FER1L6: variants seen among roughly 807,000 people sequenced by gnomAD.
FER1L6 encodes the protein fer-1-like protein 6.
In FER1L6, 177 loss-of-function variants were observed where a neutral mutation model predicts 219.2. The ratio of observed to expected loss-of-function variants is 0.81; its 90% CI spans 0.71 to 0.91. FER1L6 has a LOEUF of 0.91. Ranked by LOEUF, FER1L6 falls within the 40% of genes least tolerant of loss-of-function variation. The pLI, the probability that FER1L6 is intolerant of heterozygous loss-of-function variation, is 0.00. For missense variants in FER1L6, 2,153 were observed against 2,259.9 expected (o/e 0.95, Z 0.96); for synonymous variants, 768 against 824.3 (o/e 0.93, Z 1.17).
chr8:123,973,522 C>T lies in FER1L6; in HGVS notation c.526+10C>T, dbSNP rs1402587391. 4 of 1,600,122 alleles carry T rather than the reference C, an allele frequency of 2.5e-6. No individual in the cohort carries two copies. Among genetic ancestry groups the T allele is most frequent in the Non-Finnish European group, 3.4e-6 (4 of 1,167,312 alleles). The stretch of plus-strand genomic sequence containing the variant: ...GTGTACAACCAACCTGGTAAGAAAA[C>T]ATCACCTCCCCATCTGTATCTCACT... On this transcript the variant is annotated intron_variant, in intron 7 of 40. Transcript: ENST00000522917.
intron 11 of FER1L6, among the ~76,000 whole-genome samples, chr8:123,982,438 T>C (rs1033109949): frequency 6.6e-6 from 1 of 152,200 alleles, no homozygotes; most frequent in Non-Finnish European, 1.5e-5. Flanking sequence ...TACATTTGTC[T>C]ACAGGCTGTT....
chr8:124,024,047 C>T (rs1244688042), intron 18 of FER1L6, among the ~76,000 whole-genome samples: 1 of 151,940 alleles, frequency 6.6e-6, no homozygotes, highest in African/African-American at 2.4e-5. Context: ...CAGATGCCCA[C>T]CACCATGCCT....
intron 36 of FER1L6, 40 bp downstream of exon 36, chr8:124,097,399 G>A (rs1432251920): frequency 7.3e-7 from 1 of 1,373,542 alleles, no homozygotes. Flanking sequence ...GAAGAGACCA[G>A]GGTAGCAGAT....
Position 124,040,012 on chromosome 8 carries a change from CA to C in FER1L6, c.2589+7del, listed in dbSNP as rs1819411292. ...CTCACTGCCAGACAACAAAGGTAAC[CA>C]GGGTAACCAAGACAGCCTGCTTCTT... On this transcript the variant is annotated splice_region_variant and intron_variant, in intron 20 of 40. Transcript: ENST00000522917. The C allele has an allele frequency of 1.2e-6, 2 of 1,614,024 alleles. No homozygotes were observed. The highest frequency in any genetic ancestry group is 1.7e-6 in the Non-Finnish European group (2 of 1,179,942).
intron 25 of FER1L6, 39 bp downstream of exon 25, chr8:124,062,071 A>G (rs770619165): frequency 1.9e-6 from 3 of 1,606,592 alleles, no homozygotes; most frequent in Non-Finnish European, 2.6e-6. Context: ...TGTAACTATA[A>G]AGTCATGGTG....
chr8:123,878,525 G>A (rs1456108765), intron 1 of FER1L6, among the ~76,000 whole-genome samples: 1 of 152,196 alleles, frequency 6.6e-6, no homozygotes, highest in African/African-American at 2.4e-5. Context: ...AGAGGCTGGA[G>A]GTAGAAGTCA....
intron 1 of FER1L6, among the ~76,000 whole-genome samples, chr8:123,866,773 A>G (rs556957382): frequency 0.033 from 5,022 of 152,134 alleles, 277 homozygotes; most frequent in African/African-American, 0.11. Context: ...GCCTGTGACC[A>G]TACCTGGCTA....
At chr8:124,017,944 G>A (rs76237407) in intron 16 of FER1L6, among the ~76,000 whole-genome samples, 195 of 152,304 alleles carry the variant, frequency 1.3e-3, no homozygotes, top group African/African-American at 4.3e-3. Context: ...CTACTCTGAT[G>A]GAGAATAGGT....
intron 5 of FER1L6, among the ~76,000 whole-genome samples, chr8:123,967,567 C>A (rs1196520240): frequency 6.6e-6 from 1 of 152,198 alleles, no homozygotes; most frequent in East Asian, 1.9e-4. Context: ...AAAGAGGTAA[C>A]AATTTATACT....
chr8:123,855,681 A>ATG (rs368208328), intron 1 of FER1L6, among the ~76,000 whole-genome samples: 4,111 of 97,442 alleles, frequency 0.042, 161 homozygotes, highest in African/African-American at 0.12. Flanking sequence ...TGAAAACCAT[A>ATG]TGTGTGTGTG....
intron 22 of FER1L6, among the ~76,000 whole-genome samples, chr8:124,051,165 C>T (rs1213123515): frequency 6.6e-6 from 1 of 152,246 alleles, no homozygotes; most frequent in African/African-American, 2.4e-5. Flanking sequence ...CTCTTGGTCG[C>T]ATGAAGATAC....
intron 8 of FER1L6, among the ~76,000 whole-genome samples, chr8:123,975,637 A>G (rs1186237054): frequency 6.6e-6 from 1 of 152,176 alleles, no homozygotes; most frequent in Non-Finnish European, 1.5e-5. Flanking sequence ...ATGTGGGAAG[A>G]CTTAAATGCA....
rs781161909 is a variant in FER1L6 at position 124,015,571 on chromosome 8, CTATATATATATATATATATATATATATA to C, written c.1923-2039_1923-2012del. Reference sequence around the variant, plus strand: ...TGTTTCTTGTTTTTCATTATAAAAGCTATATATATATATATATATATATATATATATATATATATATATATTACTCCTG... The same window carrying C: ...TGTTTCTTGTTTTTCATTATAAAAGCTATATATATATATATATTACTCCTG... On this transcript the variant is annotated intron_variant, in intron 15 of 40. Transcript: ENST00000522917. Among the ~76,000 whole-genome samples the C allele has an allele frequency of 4.6e-4, 20 of 43,268 alleles. 1 individual carries two copies. Among genetic ancestry groups the C allele is most frequent in the Admixed American group, 4.2e-3 (12 of 2,856 alleles). 28.4% of individuals were successfully genotyped at this position (43,268 alleles called of 152,430 possible).
intron 5 of FER1L6, among the ~76,000 whole-genome samples, chr8:123,967,806 A>G (rs566752231): frequency 6.6e-6 from 1 of 152,070 alleles, no homozygotes; most frequent in Non-Finnish European, 1.5e-5. Context: ...AAATACAAAA[A>G]TTAACTGGGT....
intron 1 of FER1L6, among the ~76,000 whole-genome samples, chr8:123,945,173 T>C (rs1217877804): frequency 6.6e-6 from 1 of 152,184 alleles, no homozygotes; most frequent in African/African-American, 2.4e-5. Flanking sequence ...AAGTTGAGAC[T>C]GAGAGGACTA....
At position 124,101,064 on chromosome 8, in the gene FER1L6, T is replaced by C. The variant is rs768582735; in HGVS notation, c.4884-33T>C. The C allele has an allele frequency of 6.2e-6, 10 of 1,604,898 alleles. No individual in the cohort carries two copies. In the Admixed American group the frequency reaches 6.7e-5, roughly 11 times the overall value. On this transcript the variant is annotated intron_variant, in intron 37 of 40. Transcript: ENST00000522917. ...ATACTGATGCCTGGAGAATGTACTC[T>C]GAGTGTTTAAATTATTTTGAATCTA...
At chr8:124,026,580 C>T (rs1216147215) in intron 18 of FER1L6, among the ~76,000 whole-genome samples, 2 of 152,164 alleles carry the variant, frequency 1.3e-5, no homozygotes, top group Non-Finnish European at 2.9e-5. Context: ...AATGGAAGTC[C>T]ATAATGCATT....
intron 1 of FER1L6, among the ~76,000 whole-genome samples, chr8:123,882,349 C>T (rs1817124398): frequency 1.3e-5 from 2 of 152,138 alleles, no homozygotes; most frequent in African/African-American, 4.8e-5. Flanking sequence ...GTCTTAGCAG[C>T]CCCTGCATAG....
intron 1 of FER1L6, among the ~76,000 whole-genome samples, chr8:123,933,886 G>A (rs532093621): frequency 1.1e-4 from 16 of 152,200 alleles, no homozygotes; most frequent in Middle Eastern, 3.4e-3. Context: ...TTTCAAGATA[G>A]AGTAATAAAC....
Sources: gnomAD v4.1 joint callset for allele counts (sites outside exome capture counted in the v4.1 genomes callset) on GRCh38, gnomAD v4.1.1 for gene constraint, MANE v1.5 for transcripts, NCBI Gene and HGNC (gene_info 2026-07-23, HGNC 2026-07-21) for gene names.